PCDHGB4: variants seen among roughly 807,000 people sequenced by gnomAD.
PCDHGB4 encodes protocadherin gamma-B4.
In PCDHGB4, 38 loss-of-function variants were observed where a neutral mutation model predicts 60.5. That is an observed-to-expected ratio of 0.63 (90% CI 0.48 to 0.82). The LOEUF is 0.82. Ranked by LOEUF, PCDHGB4 falls within the 40% of genes least tolerant of loss-of-function variation. PCDHGB4 has a pLI of 0.00. For synonymous variants in PCDHGB4, 456 were observed against 509.7 expected (o/e 0.89, Z 1.42); for missense variants, 1,109 against 1,209.6 (o/e 0.92, Z 1.23).
chr5:141,430,258 A>T (rs542653323), intron 1 of PCDHGB4, among the ~76,000 whole-genome samples: 1 of 147,968 alleles, frequency 6.8e-6, no homozygotes, highest in Non-Finnish European at 1.5e-5. Flanking sequence ...AGACATCTCC[A>T]TAATAGGTGT....
intron 3 of PCDHGB4, 46 bp from the exon 4 acceptor site, chr5:141,510,901 A>G: frequency 1.9e-6 from 3 of 1,613,412 alleles, no homozygotes; most frequent in African/African-American, 2.7e-5. Flanking sequence ...GTGACTGTTG[A>G]GGACCCTAAG....
chr5:141,403,033 G>T (rs764461706), intron 1 of PCDHGB4: 1 of 1,614,056 alleles, frequency 6.2e-7, no homozygotes, highest in Non-Finnish European at 8.5e-7. Flanking sequence ...GGGAGGCCAG[G>T]GCCAGTCAGA....
chr5:141,430,865 C>A, intron 1 of PCDHGB4: 2 of 1,595,350 alleles, frequency 1.3e-6, no homozygotes, highest in Non-Finnish European at 1.7e-6. Flanking sequence ...CTATTCAGTT[C>A]CGGAAGAGCT....
chr5:141,393,268 A>C, intron 1 of PCDHGB4: 1 of 1,613,946 alleles, frequency 6.2e-7, no homozygotes, highest in South Asian at 1.1e-5. Flanking sequence ...GGAGCACGTT[A>C]TCCACTCCCA....
chr5:141,437,094 G>A (rs1183502010), intron 1 of PCDHGB4, among the ~76,000 whole-genome samples: 3 of 152,126 alleles, frequency 2.0e-5, no homozygotes, highest in African/African-American at 4.8e-5. Context: ...TGAAACTAAC[G>A]GCTTAGCTTT....
intron 1 of PCDHGB4, among the ~76,000 whole-genome samples, chr5:141,434,902 C>T (rs1591355042): frequency 6.6e-6 from 1 of 151,934 alleles, no homozygotes; most frequent in East Asian, 1.9e-4. Flanking sequence ...CCCCTTCCCT[C>T]ATACCTTATT....
At chr5:141,469,424 AC>A (rs1173507321) in intron 1 of PCDHGB4, among the ~76,000 whole-genome samples, 1 of 151,864 alleles carries the variant, frequency 6.6e-6, no homozygotes, top group East Asian at 1.9e-4. Context: ...AAAATATAAA[AC>A]TTAGCTGGGC....
chr5:141,506,209 G>A (rs549403288), intron 3 of PCDHGB4, among the ~76,000 whole-genome samples: 3 of 152,284 alleles, frequency 2.0e-5, no homozygotes, highest in African/African-American at 7.2e-5. Context: ...CCAGCACTTT[G>A]GGAAGCTGAG....
intron 1 of PCDHGB4, among the ~76,000 whole-genome samples, chr5:141,460,912 G>GTGTATA (rs145509489): frequency 0.032 from 4,842 of 149,286 alleles, 90 homozygotes; most frequent in Middle Eastern, 0.083. Flanking sequence ...ATTCCATGGT[G>GTGTATA]TATATATATA....
intron 1 of PCDHGB4, chr5:141,422,908 C>T (rs1340882515): frequency 2.5e-6 from 4 of 1,614,126 alleles, no homozygotes; most frequent in Non-Finnish European, 3.4e-6. Context: ...CGACAATGCG[C>T]CCGAGATCCT....
At chr5:141,394,955 C>A (rs2093135329) in intron 1 of PCDHGB4, 11 of 1,613,878 alleles carry the variant, frequency 6.8e-6, no homozygotes, top group Non-Finnish European at 8.5e-6. Context: ...TTCTGGGGCT[C>A]AGGCTGAGGC....
chr5:141,483,007 C>G (rs938404755), intron 1 of PCDHGB4, among the ~76,000 whole-genome samples: 1 of 152,140 alleles, frequency 6.6e-6, no homozygotes, highest in South Asian at 2.1e-4. Flanking sequence ...ATTGCTTGAA[C>G]CCGGGAGGCA....
In PCDHGB4 at chr5:141,431,279, C is replaced by G. The variant is rs1163372308; in HGVS notation, c.2397+40998C>G. Reference sequence around the variant, plus strand: ...CTCTCTGCAGAGCTACGAGCTCAGCCCGAACACTCACTTCTCCCTCATCGT... The same window carrying G: ...CTCTCTGCAGAGCTACGAGCTCAGCGCGAACACTCACTTCTCCCTCATCGT... On this transcript the variant is annotated intron_variant, in intron 1 of 3. Coordinates refer to ENST00000519479, the MANE Select transcript of PCDHGB4 (RefSeq NM_003736.4). This position sits in a 1 kb window ranked among gnomAD's most constrained non-coding sequence, Gnocchi z 4.8. 1 of 1,614,028 alleles carries G rather than the reference C, an allele frequency of 6.2e-7. No individual in the cohort carries two copies. Among genetic ancestry groups the G allele is most frequent in the African/African-American group, 1.3e-5 (1 of 74,926 alleles).
intron 1 of PCDHGB4, among the ~76,000 whole-genome samples, chr5:141,450,829 ATTT>A (rs373424450): frequency 7.4e-6 from 1 of 135,126 alleles, no homozygotes; most frequent in African/African-American, 2.7e-5. Flanking sequence ...TATTATTATT[ATTT>A]TTTTTTTTTT....
intron 1 of PCDHGB4, among the ~76,000 whole-genome samples, chr5:141,465,907 G>C (rs1367648934): frequency 6.6e-6 from 1 of 152,056 alleles, no homozygotes; most frequent in East Asian, 1.9e-4. Flanking sequence ...CAAATCACGA[G>C]GTCAGGATTT....
At chr5:141,460,780 A>G (rs1387522399) in intron 1 of PCDHGB4, among the ~76,000 whole-genome samples, 3 of 152,042 alleles carry the variant, frequency 2.0e-5, no homozygotes, top group Non-Finnish European at 4.4e-5. Context: ...GTATGTATAC[A>G]TATATACACA....
chr5:141,393,348 T>C (rs754496387), intron 1 of PCDHGB4: 16 of 1,613,730 alleles, frequency 9.9e-6, no homozygotes, highest in Non-Finnish European at 1.4e-5. Context: ...TCACCACTTC[T>C]CCCTGGACGT....
intron 1 of PCDHGB4, among the ~76,000 whole-genome samples, chr5:141,407,684 G>C (rs2094967978): frequency 6.6e-6 from 1 of 152,094 alleles, no homozygotes; most frequent in South Asian, 2.1e-4. Flanking sequence ...GATTGGCTTT[G>C]TGGTGATCAT....
chr5:141,417,782 C>T (rs2096161767), intron 1 of PCDHGB4: 1 of 1,473,310 alleles, frequency 6.8e-7, no homozygotes, highest in Non-Finnish European at 9.0e-7. Flanking sequence ...CTGTCCTGGG[C>T]CGAATGCTCT....
Sources: allele counts gnomAD v4.1 joint callset (sites outside exome capture counted in the v4.1 genomes callset), GRCh38; gene constraint gnomAD v4.1.1; non-coding constraint Gnocchi (gnomAD v3.1); transcripts MANE v1.5; gene names NCBI Gene and HGNC (gene_info 2026-07-23, HGNC 2026-07-21).